MTARC1: variants seen among roughly 807,000 people sequenced by gnomAD.
MTARC1 encodes mitochondrial amidoxime reducing component 1.
In MTARC1, 24 loss-of-function variants were observed where a neutral mutation model predicts 33.6. That is an observed-to-expected ratio of 0.72 (90% CI 0.52 to 1.01). MTARC1 has a LOEUF of 1.01. Among genes scored for constraint, MTARC1 ranks in the 50% least tolerant of loss-of-function variants. The probability of loss-of-function intolerance (pLI) is 0.00; values close to 1 mark genes in which losing one functional copy is unlikely to be tolerated. For missense variants in MTARC1, 417 were observed against 445.7 expected, an observed-to-expected ratio of 0.94 and a Z score of 0.58; for synonymous variants, 187 against 189.5, an observed-to-expected ratio of 0.99 and a Z score of 0.11.
At chr1:220,805,136 T>C in intron 5 of MTARC1, 23 bp downstream of exon 5, 1 of 1,614,058 alleles carries the variant, frequency 6.2e-7, no homozygotes, top group Non-Finnish European at 8.5e-7. Context: ...CCTGTCCCTG[T>C]GGGGTGGAGG....
In MTARC1 at chr1:220,818,001, T is replaced by A. The variant is rs1487848498; in HGVS notation, c.*4583T>A. 1 of 152,230 alleles carries A rather than the reference T, an allele frequency of 6.6e-6. No homozygotes were observed. Among genetic ancestry groups the A allele is most frequent in the Admixed American group, 6.5e-5 (1 of 15,288 alleles). The allele number at this position is 152,230 out of a possible 1,614,324, so 9.4% of individuals were successfully genotyped here. A position where few individuals can be genotyped will look rare whatever the true frequency, so the allele number is the denominator to read the frequency against. On this transcript the variant is annotated 3_prime_UTR_variant, in exon 7 of 7. Transcript: ENST00000366910. Reference sequence around the variant, plus strand: ...TATCTATGTCTGCACAAAGCACTACTGTGCTTTGCTGTCTGCAAGAACAGA... The same window carrying A: ...TATCTATGTCTGCACAAAGCACTACAGTGCTTTGCTGTCTGCAAGAACAGA...
At chr1:220,808,404 G>T (rs1673034234) in intron 6 of MTARC1, among the ~76,000 whole-genome samples, 1 of 152,194 alleles carries the variant, frequency 6.6e-6, no homozygotes, top group African/African-American at 2.4e-5. Context: ...CAGCCTAGGT[G>T]TCTTCTCCTA....
At chr1:220,810,317 G>A (rs1329215431) in intron 6 of MTARC1, among the ~76,000 whole-genome samples, 2 of 152,096 alleles carry the variant, frequency 1.3e-5, no homozygotes, top group Non-Finnish European at 2.9e-5. Flanking sequence ...GTGCCACAAG[G>A]CGCCGCTAGT....
At chr1:220,800,040 C>T (rs920309942) in intron 4 of MTARC1, among the ~76,000 whole-genome samples, 4 of 152,126 alleles carry the variant, frequency 2.6e-5, no homozygotes, top group Non-Finnish European at 4.4e-5. Flanking sequence ...TCTTTCTCCC[C>T]TGTGTGATTT....
chr1:220,815,985 A>G lies in MTARC1; in HGVS notation c.*2567A>G, dbSNP rs1294656509. The G allele has an allele frequency of 6.6e-6, 1 of 152,274 alleles. No individual in the cohort carries two copies. The highest frequency in any genetic ancestry group is 1.5e-5 in the Non-Finnish European group (1 of 68,094). 9.4% of individuals were successfully genotyped at this position (152,274 alleles called of 1,614,324 possible). On this transcript the variant is annotated 3_prime_UTR_variant, in exon 7 of 7. Coordinates refer to ENST00000366910, the MANE Select transcript of MTARC1 (RefSeq NM_022746.4). ...CTGCAGAAAATGTTAGAAACTTCCA[A>G]CCGAAAGACGAGGGCAGCAACTTAT... is the stretch of plus-strand genomic sequence containing the variant.
intron 6 of MTARC1, 23 bp downstream of exon 6, chr1:220,805,297 C>T: frequency 2.5e-6 from 4 of 1,612,146 alleles, no homozygotes; most frequent in Non-Finnish European, 3.4e-6. Context: ...AGACGGGGCT[C>T]ATCCTCGGGT....
intron 2 of MTARC1, among the ~76,000 whole-genome samples, chr1:220,796,109 GTTA>G (rs1441944551): frequency 6.6e-6 from 1 of 151,704 alleles, no homozygotes; most frequent in Non-Finnish European, 1.5e-5. Flanking sequence ...GATTATTATT[GTTA>G]TTATTAAATA....
At chr1:220,787,256 G>A in intron 1 of MTARC1, 37 bp downstream of exon 1, 2 of 1,536,642 alleles carry the variant, frequency 1.3e-6, no homozygotes, top group Non-Finnish European at 1.7e-6. Flanking sequence ...GCGCTGATCC[G>A]GCTCGGGGCA....
chr1:220,818,696 C>G lies in MTARC1; in HGVS notation c.*5278C>G, dbSNP rs918195438. On this transcript the variant is annotated 3_prime_UTR_variant, in exon 7 of 7. Transcript: ENST00000366910. ...TAAGTTAAGTCTAACTTTTGTCTCC[C>G]TCTTTAGAATTTACTGGGAGTACTG... The G allele has an allele frequency of 1.3e-5, 2 of 152,160 alleles. No individual in the cohort carries two copies. Among genetic ancestry groups the G allele is most frequent in the Admixed American group, 1.3e-4 (2 of 15,276 alleles). The allele number at this position is 152,160 out of a possible 1,614,324, so 9.4% of individuals were successfully genotyped here. A position where few individuals can be genotyped will look rare whatever the true frequency, so the allele number is the denominator to read the frequency against.
At position 220,819,343 on chromosome 1, in the gene MTARC1, T is replaced by A. The variant is rs1029661115; in HGVS notation, c.*5925T>A. 1 of 152,226 alleles carries A rather than the reference T, an allele frequency of 6.6e-6. No individual in the cohort carries two copies. The highest frequency in any genetic ancestry group is 2.4e-5 in the African/African-American group (1 of 41,460). The allele number at this position is 152,226 out of a possible 1,614,324, so 9.4% of individuals were successfully genotyped here. A position where few individuals can be genotyped will look rare whatever the true frequency, so the allele number is the denominator to read the frequency against. On this transcript the variant is annotated 3_prime_UTR_variant, in exon 7 of 7. Transcript: ENST00000366910. ...AAATGTATTGGTCAAACAGATCTCG[T>A]TAATGTGGCCAAGATAAATGCAAGT...
At chr1:220,789,627 A>G (rs1415079492) in intron 1 of MTARC1, among the ~76,000 whole-genome samples, 1 of 152,216 alleles carries the variant, frequency 6.6e-6, no homozygotes, top group Non-Finnish European at 1.5e-5. Flanking sequence ...GTTCATTATG[A>G]TGTTATTCAC....
intron 4 of MTARC1, among the ~76,000 whole-genome samples, chr1:220,800,360 C>G (rs1672754545): frequency 6.6e-6 from 1 of 152,114 alleles, no homozygotes; most frequent in Admixed American, 6.5e-5. Flanking sequence ...CACATGAGAA[C>G]AAGGGTTGAA....
At position 220,819,523 on chromosome 1, in the gene MTARC1, A is replaced by C. The variant is rs565281557; in HGVS notation, c.*6105A>C. ...AGATATAAATGTCTTGGGGATGTCAAGTAAGATTGTTCACATAGTTTCTGG... is the reference window on the plus strand; with the variant it reads ...AGATATAAATGTCTTGGGGATGTCACGTAAGATTGTTCACATAGTTTCTGG... On this transcript the variant is annotated 3_prime_UTR_variant, in exon 7 of 7. Transcript: ENST00000366910. 6.6e-6 allele frequency: 1 copy of C among 152,320 alleles called. No homozygotes were observed. Among genetic ancestry groups the C allele is most frequent in the South Asian group, 2.1e-4 (1 of 4,828 alleles). The allele number at this position is 152,320 out of a possible 1,614,324, so 9.4% of individuals were successfully genotyped here.
chr1:220,805,013 C>A, intron 4 of MTARC1, 39 bp from the exon 5 acceptor site: 1 of 1,610,434 alleles, frequency 6.2e-7, no homozygotes, highest in Non-Finnish European at 8.5e-7. Flanking sequence ...AGGGGCAGGG[C>A]CCAGAGATGC....
At chr1:220,793,445 A>T (rs1421356893) in intron 2 of MTARC1, 1 of 152,242 alleles carries the variant, frequency 6.6e-6, no homozygotes, top group East Asian at 1.9e-4. Context: ...AAAGGCTTAG[A>T]CATGCTACGG....
chr1:220,807,400 T>C (rs1254417010), intron 6 of MTARC1, among the ~76,000 whole-genome samples: 1 of 152,140 alleles, frequency 6.6e-6, no homozygotes, highest in Non-Finnish European at 1.5e-5. Context: ...CTGGCCAACA[T>C]AGTGAAACTC....
intron 2 of MTARC1, among the ~76,000 whole-genome samples, chr1:220,795,113 T>C (rs1672566590): frequency 6.6e-6 from 1 of 152,218 alleles, no homozygotes; most frequent in African/African-American, 2.4e-5. Context: ...TTTTGTTGGA[T>C]TAAATGTTTG....
At chr1:220,801,811 C>G (rs960062334) in intron 4 of MTARC1, among the ~76,000 whole-genome samples, 1 of 151,980 alleles carries the variant, frequency 6.6e-6, no homozygotes, top group Non-Finnish European at 1.5e-5. Context: ...GGAGGAAGGC[C>G]GAGGACCTGC....
At chr1:220,798,091 A>C in intron 4 of MTARC1, 77 bp downstream of exon 4, 3 of 1,612,866 alleles carry the variant, frequency 1.9e-6, no homozygotes, top group Non-Finnish European at 2.5e-6. Context: ...ACATTGGATT[A>C]GATTATTCTG....
Sources: allele counts gnomAD v4.1 joint callset (sites outside exome capture counted in the v4.1 genomes callset), GRCh38; gene constraint gnomAD v4.1.1; transcripts MANE v1.5; gene names NCBI Gene and HGNC (gene_info 2026-07-23, HGNC 2026-07-21).